NT5E: variants seen among roughly 807,000 people sequenced by gnomAD.
NT5E encodes 5'-nucleotidase.
A neutral mutation model predicts 55.1 loss-of-function variants in NT5E; 53 were observed. That is an observed-to-expected ratio of 0.96 (90% CI 0.77 to 1.21). The LOEUF is 1.21. Among genes scored for constraint, NT5E ranks in the 50% most tolerant of loss-of-function variants. NT5E has a pLI of 0.00. For synonymous variants in NT5E, 270 were observed against 278.4 expected (o/e 0.97, Z 0.30); for missense variants, 683 against 724.3 (o/e 0.94, Z 0.65).
In NT5E at chr6:85,494,085, T is replaced by G. The variant is rs528597750; in HGVS notation, c.*81T>G. On this transcript the variant is annotated 3_prime_UTR_variant, in exon 9 of 9. Coordinates refer to ENST00000257770, the MANE Select transcript of NT5E (RefSeq NM_002526.4). ...AAATCTGCCTTTTAGGACCTGGCTTTGTGACAGCAAAAACCATCTTTACAG... is the reference window on the plus strand; with the variant it reads ...AAATCTGCCTTTTAGGACCTGGCTTGGTGACAGCAAAAACCATCTTTACAG... The G allele has an allele frequency of 1.4e-4, 193 of 1,377,240 alleles. 1 individual carries two copies. In the East Asian group the frequency reaches 4.4e-3, roughly 32 times the overall value. 85.3% of individuals were successfully genotyped at this position (1,377,240 alleles called of 1,614,324 possible).
At chr6:85,490,738 A>C in intron 7 of NT5E, 81 bp downstream of exon 7, 1 of 1,520,442 alleles carries the variant, frequency 6.6e-7, no homozygotes. Flanking sequence ...CCCCTTCACC[A>C]AAATTCCTGT....
At chr6:85,480,170 CT>C (rs1769516443) in intron 3 of NT5E, among the ~76,000 whole-genome samples, 1 of 152,176 alleles carries the variant, frequency 6.6e-6, no homozygotes, top group Non-Finnish European at 1.5e-5. Flanking sequence ...GGGTTCCCTG[CT>C]TTGCCCAGCC....
intron 1 of NT5E, among the ~76,000 whole-genome samples, chr6:85,454,179 T>C (rs927622151): frequency 6.6e-6 from 1 of 152,200 alleles, no homozygotes; most frequent in Admixed American, 6.5e-5. Context: ...GCTCCAGATA[T>C]CTTCCTGGAT....
At position 85,471,279 on chromosome 6, in the gene NT5E, C is replaced by T. The variant is rs201534865; in HGVS notation, c.605C>T (p.Pro202Leu). The T allele has an allele frequency of 6.2e-7, 1 of 1,611,248 alleles. No homozygotes were observed. Among genetic ancestry groups the T allele is most frequent in the Admixed American group, 1.7e-5 (1 of 59,958 alleles). Residue 202 changes from proline (P) to leucine (L), a missense_variant, in exon 3 of 9, where the codon CCT (proline) becomes CTT (leucine). Transcript: ENST00000257770. ...VFEDEITALQ[P>L]EVDKLKTLNV... ...GAAGATGAAATCACTGCATTACAAC[C>T]TGAAGTAGATAAGTTAAAAACTCTA...
intron 3 of NT5E, among the ~76,000 whole-genome samples, chr6:85,484,574 C>T (rs553554617): frequency 6.6e-6 from 1 of 152,240 alleles, no homozygotes; most frequent in Admixed American, 6.5e-5. Context: ...GTGAATGTGG[C>T]TCTTCTAAAA....
intron 1 of NT5E, 130 bp from the exon 2 acceptor site, chr6:85,466,930 C>T (rs953973744): frequency 2.4e-6 from 2 of 842,016 alleles, no homozygotes; most frequent in African/African-American, 3.4e-5. Context: ...TGTCCCTGGG[C>T]CTGACCCAGG....
chr6:85,476,098 C>T (rs1415901421), intron 3 of NT5E, among the ~76,000 whole-genome samples: 2 of 152,194 alleles, frequency 1.3e-5, no homozygotes, highest in Non-Finnish European at 2.9e-5. Context: ...AATTTCCTAT[C>T]TTCTGCTCCA....
intron 3 of NT5E, among the ~76,000 whole-genome samples, chr6:85,477,886 T>G (rs1313313386): frequency 6.6e-6 from 1 of 152,106 alleles, no homozygotes; most frequent in Non-Finnish European, 1.5e-5. Flanking sequence ...GTTGGGCATG[T>G]TGGCAATCCC....
chr6:85,495,319 G>A lies in NT5E; in HGVS notation c.*1315G>A, dbSNP rs993234719. 1.3e-5 allele frequency: 2 copies of A among 152,158 alleles called. No individual in the cohort carries two copies. Among genetic ancestry groups the A allele is most frequent in the African/African-American group, 4.8e-5 (2 of 41,438 alleles). The allele number at this position is 152,158 out of a possible 1,614,324, so 9.4% of individuals were successfully genotyped here. A position where few individuals can be genotyped will look rare whatever the true frequency, so the allele number is the denominator to read the frequency against. Reference sequence around the variant, plus strand: ...TATGCCCAAAGAACAAATACTTAACGTGGGAGTGGAACCACATGAGCCTGC... The same window carrying A: ...TATGCCCAAAGAACAAATACTTAACATGGGAGTGGAACCACATGAGCCTGC... On this transcript the variant is annotated 3_prime_UTR_variant, in exon 9 of 9. Coordinates refer to ENST00000257770, the MANE Select transcript of NT5E (RefSeq NM_002526.4).
At chr6:85,452,576 G>T (rs1026792280) in intron 1 of NT5E, among the ~76,000 whole-genome samples, 2 of 152,140 alleles carry the variant, frequency 1.3e-5, no homozygotes, top group African/African-American at 2.4e-5. Flanking sequence ...TTGGCAGGGG[G>T]TAAAGATTGG....
At chr6:85,485,524 GAA>G (rs1459114004) in intron 4 of NT5E, 92 bp downstream of exon 4, 1 of 1,242,974 alleles carries the variant, frequency 8.0e-7, no homozygotes, top group African/African-American at 1.5e-5. Flanking sequence ...AATGTTTCAG[GAA>G]AAGACTATAA....
chr6:85,487,201 A>C, intron 4 of NT5E, 134 bp from the exon 5 acceptor site: 1 of 877,990 alleles, frequency 1.1e-6, no homozygotes, highest in Non-Finnish European at 1.8e-6. Flanking sequence ...TTCATGGTCA[A>C]AACCAAAATG....
chr6:85,494,016 C>T lies in NT5E; in HGVS notation c.*12C>T. 1 of 1,613,540 alleles carries T rather than the reference C, an allele frequency of 6.2e-7. No homozygotes were observed. Among genetic ancestry groups the T allele is most frequent in the Non-Finnish European group, 8.5e-7 (1 of 1,179,722 alleles). On this transcript the variant is annotated 3_prime_UTR_variant, in exon 9 of 9. Coordinates refer to ENST00000257770, the MANE Select transcript of NT5E (RefSeq NM_002526.4). Reference sequence around the variant, plus strand: ...TTTTATACCAATAGCCAAAAATTCTCCTTGCCTTTAATGTGTGAAACTGCA... The same window carrying T: ...TTTTATACCAATAGCCAAAAATTCTTCTTGCCTTTAATGTGTGAAACTGCA...
At chr6:85,465,067 G>A (rs1354720498) in intron 1 of NT5E, among the ~76,000 whole-genome samples, 1 of 152,154 alleles carries the variant, frequency 6.6e-6, no homozygotes, top group East Asian at 1.9e-4. Context: ...TACAGTTGAA[G>A]GTATGAGTAG....
intron 3 of NT5E, among the ~76,000 whole-genome samples, chr6:85,480,520 T>C (rs1769524509): frequency 6.6e-6 from 1 of 152,146 alleles, no homozygotes; most frequent in African/African-American, 2.4e-5. Context: ...TCTGTCCTGG[T>C]CACCTGAAGG....
At chr6:85,490,044 C>A (rs1396578006) in intron 6 of NT5E, among the ~76,000 whole-genome samples, 3 of 152,182 alleles carry the variant, frequency 2.0e-5, no homozygotes, top group African/African-American at 7.2e-5. Context: ...TATCATATGG[C>A]AAAACAAATC....
At chr6:85,490,774 G>T in intron 7 of NT5E, 117 bp downstream of exon 7, 3 of 1,108,020 alleles carry the variant, frequency 2.7e-6, no homozygotes, top group Non-Finnish European at 4.0e-6. Context: ...GATTTTTCCC[G>T]ACCCAACACC....
intron 7 of NT5E, chr6:85,491,055 A>G (rs372450567): frequency 1.9e-6 from 1 of 531,954 alleles, no homozygotes; most frequent in African/African-American, 1.9e-5. Flanking sequence ...ATGCTGTCCA[A>G]TCTGTATTAA....
At chr6:85,471,551 AATATATATG>A in intron 3 of NT5E, 126 bp downstream of exon 3, 18 of 561,252 alleles carry the variant, frequency 3.2e-5, no homozygotes, top group Non-Finnish European at 5.1e-5. Flanking sequence ...TATGATCTAT[AATATATATG>A]TAATATACAT....
Sources: allele counts gnomAD v4.1 joint callset (sites outside exome capture counted in the v4.1 genomes callset), GRCh38; gene constraint gnomAD v4.1.1; transcripts MANE v1.5; gene names NCBI Gene and HGNC (gene_info 2026-07-23, HGNC 2026-07-21).